WDR49: variants seen among roughly 807,000 people sequenced by gnomAD.
WDR49 encodes the protein cilia- and flagella-associated protein 337.
Under a neutral mutation model 119.5 loss-of-function variants are expected in WDR49, and 107 were observed. The observed-to-expected ratio is 0.90, with a 90% confidence interval of 0.77 to 1.05. WDR49 has a LOEUF of 1.05. Ranked by LOEUF, WDR49 falls within the 50% of genes least tolerant of loss-of-function variation. The pLI is 0.00. For missense variants in WDR49, 1,240 were observed against 1,220.5 expected, an observed-to-expected ratio of 1.02 and a Z score of -0.24; for synonymous variants, 425 against 418.8, an observed-to-expected ratio of 1.01 and a Z score of -0.18.
chr3:167,585,391 CGTGTGT>C (rs59424091), intron 7 of WDR49, among the ~76,000 whole-genome samples: 4,631 of 137,426 alleles, frequency 0.034, 137 homozygotes, highest in East Asian at 0.11. Context: ...TAAAAGGGTG[CGTGTGT>C]GTGTGTGTGT....
upstream of WDR49, among the ~76,000 whole-genome samples, chr3:167,654,633 C>T (rs550141147): frequency 2.0e-5 from 3 of 152,276 alleles, no homozygotes; most frequent in Non-Finnish European, 2.9e-5. Flanking sequence ...AGGTGGCTCA[C>T]GCCTGTAATC....
At chr3:167,581,844 G>A (rs1186483995) in intron 7 of WDR49, among the ~76,000 whole-genome samples, 2 of 152,092 alleles carry the variant, frequency 1.3e-5, no homozygotes, top group African/African-American at 2.4e-5. Flanking sequence ...AAAGTAGTCA[G>A]AAAATAAAAC....
At chr3:167,642,327 A>C (rs565485520) in intron 2 of WDR49, among the ~76,000 whole-genome samples, 2 of 152,108 alleles carry the variant, frequency 1.3e-5, no homozygotes, top group East Asian at 3.9e-4. Flanking sequence ...CTTGAATTTT[A>C]CTTTCATTTT....
rs568940719 is a variant in WDR49 at position 167,496,581 on chromosome 3, T to A, written c.3031+3572A>T. On this transcript the variant is annotated intron_variant, in intron 18 of 18. Coordinates refer to ENST00000682715, the MANE Select transcript of WDR49 (RefSeq NM_001366157.1). ...CATGTGTTCCCATAGGATGCAGTACTTATCTCTACCATAGCCCTCGTTGTA... is the reference window on the plus strand; with the variant it reads ...CATGTGTTCCCATAGGATGCAGTACATATCTCTACCATAGCCCTCGTTGTA... Among the ~76,000 whole-genome samples, 6 of 152,288 alleles carry A rather than the reference T, an allele frequency of 3.9e-5. No homozygotes were observed. In the East Asian group the frequency reaches 1.2e-3, roughly 29 times the overall value.
chr3:167,585,951 G>A (rs765159477), intron 7 of WDR49, among the ~76,000 whole-genome samples: 4 of 152,000 alleles, frequency 2.6e-5, no homozygotes, highest in Non-Finnish European at 4.4e-5. Flanking sequence ...TCCATTTACC[G>A]GCGTACTTTA....
chr3:167,519,080 AT>A (rs895751762), intron 16 of WDR49, among the ~76,000 whole-genome samples: 1 of 152,184 alleles, frequency 6.6e-6, no homozygotes, highest in Non-Finnish European at 1.5e-5. Context: ...GTGAGATACC[AT>A]CTCATGCCAG....
At chr3:167,614,552 C>T (rs1341024330) in intron 5 of WDR49, among the ~76,000 whole-genome samples, 2 of 152,196 alleles carry the variant, frequency 1.3e-5, no homozygotes, top group Non-Finnish European at 2.9e-5. Context: ...ACTTTACAAG[C>T]ATTTCAGAAT....
At chr3:167,550,680 T>C (rs1267911863) in intron 10 of WDR49, among the ~76,000 whole-genome samples, 1 of 151,724 alleles carries the variant, frequency 6.6e-6, no homozygotes, top group Non-Finnish European at 1.5e-5. Context: ...ATTTGTCAGT[T>C]ATTCCTGGAT....
intron 2 of WDR49, among the ~76,000 whole-genome samples, chr3:167,649,418 C>T (rs1718271732): frequency 6.6e-6 from 1 of 152,178 alleles, no homozygotes. Context: ...AGCAAACAAG[C>T]ACAGTTCATA....
At chr3:167,487,164 C>G (rs1750954826) in intron 18 of WDR49, among the ~76,000 whole-genome samples, 1 of 152,000 alleles carries the variant, frequency 6.6e-6, no homozygotes, top group Non-Finnish European at 1.5e-5. Context: ...CAGCATGGTA[C>G]TGACACAAAA....
At chr3:167,487,952 G>A (rs1750988102) in intron 18 of WDR49, among the ~76,000 whole-genome samples, 1 of 152,090 alleles carries the variant, frequency 6.6e-6, no homozygotes, top group Admixed American at 6.6e-5. Flanking sequence ...AGCCACTGTG[G>A]AAAGCTGTTT....
chr3:167,560,250 A>G, intron 8 of WDR49, 22 bp from the exon 9 acceptor site: 7 of 1,602,078 alleles, frequency 4.4e-6, no homozygotes, highest in Non-Finnish European at 6.0e-6. Flanking sequence ...TAACATTTTA[A>G]AGAAATTAAA....
intron 8 of WDR49, among the ~76,000 whole-genome samples, chr3:167,572,356 C>G (rs1228261164): frequency 6.6e-6 from 1 of 152,170 alleles, no homozygotes; most frequent in African/African-American, 2.4e-5. Context: ...ATGTTCCAAG[C>G]TGCTTTTATA....
chr3:167,656,435 G>C (rs1465131730), upstream of WDR49, among the ~76,000 whole-genome samples: 1 of 152,186 alleles, frequency 6.6e-6, no homozygotes. Context: ...GAAGGGAGAA[G>C]AAATAGGAAA....
intron 8 of WDR49, among the ~76,000 whole-genome samples, chr3:167,562,436 C>CT (rs899502792): frequency 6.8e-4 from 104 of 152,172 alleles, no homozygotes; most frequent in African/African-American, 2.2e-3. Flanking sequence ...CCTTTTAGCC[C>CT]TTTTTTTCCT....
chr3:167,514,763 C>A (rs958046806), intron 16 of WDR49, among the ~76,000 whole-genome samples: 1 of 151,386 alleles, frequency 6.6e-6, no homozygotes, highest in African/African-American at 2.4e-5. Flanking sequence ...GAAGAAAAGA[C>A]AGAAGAATCA....
intron 18 of WDR49, among the ~76,000 whole-genome samples, chr3:167,490,227 G>A (rs1751081406): frequency 6.6e-6 from 1 of 152,006 alleles, no homozygotes; most frequent in South Asian, 2.1e-4. Context: ...TGGTTGCTTG[G>A]GACCTGTTGA....
At chr3:167,561,976 C>T (rs1013717321) in intron 8 of WDR49, among the ~76,000 whole-genome samples, 3 of 151,772 alleles carry the variant, frequency 2.0e-5, no homozygotes, top group Admixed American at 6.6e-5. Context: ...TGAGCCTGAG[C>T]GCAGAGTATT....
chr3:167,607,944 G>A (rs927810649), intron 5 of WDR49, among the ~76,000 whole-genome samples: 1 of 152,038 alleles, frequency 6.6e-6, no homozygotes, highest in Non-Finnish European at 1.5e-5. Context: ...AGGGACGGAG[G>A]GAGGAAAAAA....
Sources: allele counts gnomAD v4.1 joint callset (sites outside exome capture counted in the v4.1 genomes callset), GRCh38; gene constraint gnomAD v4.1.1; transcripts MANE v1.5; gene names NCBI Gene and HGNC (gene_info 2026-07-23, HGNC 2026-07-21).